The following RBFOX1 variants were observed in gnomAD, a reference collection of about 807,000 sequenced individuals.
RBFOX1 encodes RNA binding protein fox-1 homolog 1.
A neutral mutation model predicts 57.7 loss-of-function variants in RBFOX1; 8 were observed. The ratio of observed to expected loss-of-function variants is 0.14; its 90% CI spans 0.08 to 0.25. The LOEUF (loss-of-function observed/expected upper bound fraction) is 0.25, where lower values mean the gene tolerates loss of function less well. Among genes scored for constraint, RBFOX1 ranks in the 10% least tolerant of loss-of-function variants. The pLI is 1.00. For missense variants in RBFOX1, 611 were observed against 548.5 expected (o/e 1.11, Z -1.14); for synonymous variants, 326 against 222.4 (o/e 1.47, Z -4.15).
At chr16:5,777,664 G>A (rs1267233039) in intron 3 of RBFOX1, among the ~76,000 whole-genome samples, 1 of 152,078 alleles carries the variant, frequency 6.6e-6, no homozygotes, top group East Asian at 1.9e-4. Context: ...AACCAAATAG[G>A]GTTGTTGTGA....
intron 4 of RBFOX1, among the ~76,000 whole-genome samples, chr16:5,887,608 T>C (rs1412828568): frequency 1.3e-5 from 2 of 152,274 alleles, no homozygotes; most frequent in East Asian, 3.9e-4. Context: ...TTCACCAAGT[T>C]GGCCAGGCTG....
chr16:6,570,999 T>G (rs542550729), intron 2 of RBFOX1, among the ~76,000 whole-genome samples: 1 of 152,110 alleles, frequency 6.6e-6, no homozygotes, highest in Non-Finnish European at 1.5e-5. Context: ...TTACTAAATA[T>G]AGACTCCTGT....
At chr16:6,926,288 C>T (rs911097619) in intron 3 of RBFOX1, among the ~76,000 whole-genome samples, 2 of 152,064 alleles carry the variant, frequency 1.3e-5, no homozygotes, top group Non-Finnish European at 2.9e-5. Context: ...GCCTGGGCAA[C>T]AGAGCAAGAC....
chr16:5,788,270 A>G (rs138862017), intron 3 of RBFOX1, among the ~76,000 whole-genome samples: 357 of 152,304 alleles, frequency 2.3e-3, no homozygotes, highest in African/African-American at 8.3e-3. Flanking sequence ...TTAGAACCTC[A>G]TTTTTAAATT....
chr16:6,403,370 CT>C (rs1425013038), intron 2 of RBFOX1, among the ~76,000 whole-genome samples: 2 of 151,310 alleles, frequency 1.3e-5, no homozygotes, highest in Non-Finnish European at 3.0e-5. Flanking sequence ...TTATCAGAGA[CT>C]TTTTTTTTAA....
intron 4 of RBFOX1, among the ~76,000 whole-genome samples, chr16:7,141,662 T>C (rs373673108): frequency 6.6e-6 from 1 of 152,214 alleles, no homozygotes. Context: ...CTCATCTAAC[T>C]TTAGTGTTTA....
intron 4 of RBFOX1, among the ~76,000 whole-genome samples, chr16:7,095,326 C>G (rs1294006173): frequency 6.6e-6 from 1 of 152,090 alleles, no homozygotes; most frequent in Non-Finnish European, 1.5e-5. Context: ...TTAGTAGAGA[C>G]TGGGTTTCAC....
At chr16:6,360,386 T>C (rs917050597) in intron 2 of RBFOX1, among the ~76,000 whole-genome samples, 6 of 152,198 alleles carry the variant, frequency 3.9e-5, no homozygotes, top group Admixed American at 6.5e-5. Context: ...CAAAAGTTTC[T>C]TATCAAATTT....
At chr16:7,101,741 A>C (rs906617895) in intron 4 of RBFOX1, among the ~76,000 whole-genome samples, 1 of 152,190 alleles carries the variant, frequency 6.6e-6, no homozygotes, top group African/African-American at 2.4e-5. Context: ...AGACAAGTAC[A>C]GGTTCTGCTC....
chr16:7,424,480 G>A (rs1027738359), intron 4 of RBFOX1, among the ~76,000 whole-genome samples: 2 of 152,140 alleles, frequency 1.3e-5, no homozygotes, highest in African/African-American at 4.8e-5. Context: ...GGCAGGTCTT[G>A]AACTCCTGGC....
In RBFOX1 at chr16:5,991,705, G is replaced by C. The variant is rs114951846; in HGVS notation, c.351+124370G>C. Among the ~76,000 whole-genome samples, 725 of 135,938 alleles carry C rather than the reference G, an allele frequency of 5.3e-3. 10 individuals carry two copies. Among genetic ancestry groups the C allele is most frequent in the African/African-American group, 0.019 (712 of 36,858 alleles). The allele number at this position is 135,938 out of a possible 152,430, so 89.2% of individuals were successfully genotyped here. On this transcript the variant is annotated intron_variant, in intron 4 of 19. Transcript: ENST00000641259. ...TTCTATAACTTCTGTGGGGAAGTTT[G>C]CTCTGTGAGTTGAGCCTGCCTTAGG... is the stretch of plus-strand genomic sequence containing the variant.
At chr16:5,823,999 T>C (rs961133388) in intron 3 of RBFOX1, among the ~76,000 whole-genome samples, 12 of 152,152 alleles carry the variant, frequency 7.9e-5, no homozygotes, top group African/African-American at 2.7e-4. Flanking sequence ...GAACCACTGA[T>C]CTATGGTATA....
intron 3 of RBFOX1, among the ~76,000 whole-genome samples, chr16:5,751,539 A>T (rs1044482443): frequency 2.0e-5 from 3 of 152,186 alleles, no homozygotes; most frequent in African/African-American, 7.2e-5. Flanking sequence ...CTGCTGGATG[A>T]AGGTGAATCT....
intron 4 of RBFOX1, among the ~76,000 whole-genome samples, chr16:7,291,437 A>G (rs1240835784): frequency 6.6e-6 from 1 of 152,220 alleles, no homozygotes; most frequent in Non-Finnish European, 1.5e-5. Context: ...TATAGCCACA[A>G]TGGAAAATTA....
intron 3 of RBFOX1, among the ~76,000 whole-genome samples, chr16:5,796,745 A>C (rs758492823): frequency 6.6e-6 from 1 of 152,208 alleles, no homozygotes; most frequent in South Asian, 2.1e-4. Flanking sequence ...TCATCCAGCT[A>C]GAAGGAGACA....
intron 2 of RBFOX1, among the ~76,000 whole-genome samples, chr16:6,644,793 T>A (rs1164896071): frequency 6.6e-6 from 1 of 152,162 alleles, no homozygotes; most frequent in East Asian, 1.9e-4. Flanking sequence ...TTTTAAGGAA[T>A]TTTTCTTGTC....
chr16:5,849,622 A>C (rs2056842641), intron 3 of RBFOX1, among the ~76,000 whole-genome samples: 2 of 152,090 alleles, frequency 1.3e-5, no homozygotes, highest in African/African-American at 2.4e-5. Flanking sequence ...AGAGTCAGGA[A>C]ATCTGGAAGT....
chr16:6,557,691 A>G (rs2097124528), intron 2 of RBFOX1, among the ~76,000 whole-genome samples: 1 of 152,204 alleles, frequency 6.6e-6, no homozygotes, highest in Non-Finnish European at 1.5e-5. Flanking sequence ...CAAGTATCTC[A>G]TTGCAAACTG....
At chr16:6,695,322 A>C (rs140287644) in intron 3 of RBFOX1, among the ~76,000 whole-genome samples, 1 of 148,328 alleles carries the variant, frequency 6.7e-6, no homozygotes, top group Non-Finnish European at 1.5e-5. Context: ...AGGCTGAGGC[A>C]GGAGAATCGC....
Sources: gnomAD v4.1 joint callset for allele counts (sites outside exome capture counted in the v4.1 genomes callset) on GRCh38, gnomAD v4.1.1 for gene constraint, MANE v1.5 for transcripts, NCBI Gene and HGNC (gene_info 2026-07-23, HGNC 2026-07-21) for gene names.